VTI1A: variants seen among roughly 807,000 people sequenced by gnomAD.
VTI1A encodes the protein vesicle transport through interaction with t-SNAREs 1A, also known as vesicle transport through interaction with t-SNAREs homolog 1A.
In VTI1A, 22 loss-of-function variants were observed where a neutral mutation model predicts 34.9. The observed-to-expected ratio is 0.63, with a 90% CI of 0.45 to 0.90. The LOEUF is 0.90. Ranked by LOEUF, VTI1A falls within the 40% of genes least tolerant of loss-of-function variation. The pLI, the probability that VTI1A is intolerant of heterozygous loss-of-function variation, is 0.00. For synonymous variants in VTI1A, 87 were observed against 97.3 expected, an observed-to-expected ratio of 0.89 and a Z score of 0.62; for missense variants, 268 against 275.6, an observed-to-expected ratio of 0.97 and a Z score of 0.20.
At chr10:112,468,071 G>T (rs892484430) in intron 3 of VTI1A, among the ~76,000 whole-genome samples, 1 of 152,204 alleles carries the variant, frequency 6.6e-6, no homozygotes, top group Admixed American at 6.5e-5. Context: ...ATTTGTGCTT[G>T]GGTGTTCTCT....
intron 5 of VTI1A, among the ~76,000 whole-genome samples, chr10:112,585,935 C>T (rs1844136686): frequency 6.6e-6 from 1 of 152,024 alleles, no homozygotes; most frequent in Admixed American, 6.6e-5. Flanking sequence ...CCTGCAAACC[C>T]ATGTGCTCAT....
the VTI1A span, among the ~76,000 whole-genome samples, chr10:112,850,981 T>C: frequency 6.6e-6 from 1 of 152,210 alleles, no homozygotes; most frequent in African/African-American, 2.4e-5. Flanking sequence ...GTGTGTCAGA[T>C]TAGTCCACCT....
chr10:112,487,162 C>T (rs1414285145), intron 3 of VTI1A, among the ~76,000 whole-genome samples: 1 of 152,072 alleles, frequency 6.6e-6, no homozygotes, highest in Admixed American at 6.6e-5. Flanking sequence ...CACACTGTGT[C>T]CCCCAGGCTG....
intron 5 of VTI1A, 79 bp from the exon 6 acceptor site, chr10:112,668,139 T>C: frequency 8.6e-7 from 1 of 1,165,638 alleles, no homozygotes; most frequent in South Asian, 1.3e-5. Context: ...TAACATTTTA[T>C]GCCATTTTAG....
At chr10:112,647,087 G>C (rs567499035) in intron 5 of VTI1A, among the ~76,000 whole-genome samples, 18 of 152,154 alleles carry the variant, frequency 1.2e-4, no homozygotes, top group Admixed American at 4.6e-4. Context: ...TTCTGGAAGA[G>C]TTCATTTTCA....
At chr10:112,550,111 A>C (rs529675662) in intron 5 of VTI1A, among the ~76,000 whole-genome samples, 61 of 152,332 alleles carry the variant, frequency 4.0e-4, no homozygotes, top group Admixed American at 1.2e-3. Context: ...TGACTTCCCC[A>C]TAATGCCTAT....
intron 5 of VTI1A, among the ~76,000 whole-genome samples, chr10:112,643,198 T>C (rs1846649881): frequency 1.4e-5 from 2 of 145,778 alleles, no homozygotes; most frequent in African/African-American, 2.5e-5. Flanking sequence ...AGTTTCACCA[T>C]GTGGCCAGGG....
intron 7 of VTI1A, among the ~76,000 whole-genome samples, chr10:112,799,986 G>A (rs1852821001): frequency 6.6e-6 from 1 of 152,090 alleles, no homozygotes; most frequent in Non-Finnish European, 1.5e-5. Flanking sequence ...TCTGATGTTA[G>A]GATCTAGAAA....
At chr10:112,657,895 T>C (rs1403898960) in intron 5 of VTI1A, among the ~76,000 whole-genome samples, 1 of 152,046 alleles carries the variant, frequency 6.6e-6, no homozygotes, top group Non-Finnish European at 1.5e-5. Context: ...GTCCTCCACA[T>C]TGTAATGCAT....
chr10:112,837,421 TG>T, the VTI1A span, among the ~76,000 whole-genome samples: 1 of 152,196 alleles, frequency 6.6e-6, no homozygotes, highest in Non-Finnish European at 1.5e-5. Context: ...CTGAAGGCCA[TG>T]ACCCCTGCTT....
chr10:112,520,762 C>G (rs1849993893), intron 3 of VTI1A, among the ~76,000 whole-genome samples: 1 of 151,062 alleles, frequency 6.6e-6, no homozygotes, highest in African/African-American at 2.4e-5. Flanking sequence ...TATAATTTAT[C>G]TTATTGTTTA....
At chr10:112,820,856 G>A (rs937526937), downstream of VTI1A, among the ~76,000 whole-genome samples, 3 of 152,308 alleles carry the variant, frequency 2.0e-5, no homozygotes, top group South Asian at 4.1e-4. Context: ...GGGTAGCAGA[G>A]GGTGGACAGG....
intron 5 of VTI1A, among the ~76,000 whole-genome samples, chr10:112,591,087 C>T (rs796682912): frequency 6.6e-6 from 1 of 151,810 alleles, no homozygotes; most frequent in African/African-American, 2.4e-5. Context: ...GTCAACAGAG[C>T]GAGACTCTGT....
chr10:112,657,423 A>T (rs1847271164), intron 5 of VTI1A, among the ~76,000 whole-genome samples: 1 of 152,184 alleles, frequency 6.6e-6, no homozygotes, highest in Non-Finnish European at 1.5e-5. Context: ...ATAACATTTT[A>T]AATTTATGAG....
intron 5 of VTI1A, among the ~76,000 whole-genome samples, chr10:112,659,323 A>G (rs1219473813): frequency 1.3e-5 from 2 of 152,210 alleles, no homozygotes; most frequent in African/African-American, 2.4e-5. Flanking sequence ...TGAAAAAGGG[A>G]TGTCCTTCCT....
chr10:112,624,934 A>G (rs533428023), intron 5 of VTI1A, among the ~76,000 whole-genome samples: 1 of 152,010 alleles, frequency 6.6e-6, no homozygotes, highest in African/African-American at 2.4e-5. Context: ...CCATCTCTAC[A>G]AAATATTTAA....
intron 5 of VTI1A, among the ~76,000 whole-genome samples, chr10:112,639,263 G>T (rs1273922284): frequency 6.6e-6 from 1 of 152,148 alleles, no homozygotes; most frequent in Non-Finnish European, 1.5e-5. Context: ...AATTAAAAAT[G>T]CATAATGAGA....
the VTI1A span, among the ~76,000 whole-genome samples, chr10:112,846,679 T>C: frequency 2.0e-5 from 3 of 149,724 alleles, no homozygotes; most frequent in African/African-American, 7.4e-5. Flanking sequence ...GGCAGGAAAA[T>C]CGTGTGAACC....
chr10:112,526,264 T>C (rs887049198), intron 3 of VTI1A, among the ~76,000 whole-genome samples: 1 of 152,190 alleles, frequency 6.6e-6, no homozygotes, highest in Non-Finnish European at 1.5e-5. Context: ...TCTGACTTTA[T>C]AGAGAGGGGT....
Sources: allele counts gnomAD v4.1 joint callset (sites outside exome capture counted in the v4.1 genomes callset), GRCh38; gene constraint gnomAD v4.1.1; transcripts MANE v1.5; gene names NCBI Gene and HGNC (gene_info 2026-07-23, HGNC 2026-07-21).